The following TTC17 variants were observed in gnomAD, a reference collection of about 807,000 sequenced individuals.
The protein encoded by TTC17 is tetratricopeptide repeat domain 17.
In TTC17, 58 loss-of-function variants were observed where a neutral mutation model predicts 143.8. The observed-to-expected ratio is 0.40, with a 90% confidence interval of 0.33 to 0.50. TTC17 has a LOEUF of 0.50. TTC17 is among the 20% of genes least tolerant of loss of function. The pLI, the probability that TTC17 is intolerant of heterozygous loss-of-function variation, is 0.49. For synonymous variants in TTC17, 501 were observed against 497.8 expected, an observed-to-expected ratio of 1.01 and a Z score of -0.09; for missense variants, 1,273 against 1,392.5, an observed-to-expected ratio of 0.91 and a Z score of 1.37.
intron 16 of TTC17, among the ~76,000 whole-genome samples, chr11:43,435,568 G>A (rs770604383): frequency 2.9e-4 from 44 of 152,148 alleles, no homozygotes; most frequent in Non-Finnish European, 5.4e-4. Context: ...TATACATGCC[G>A]AAAGTTATTT....
At chr11:43,452,326 C>T (rs1947674818) in intron 21 of TTC17, among the ~76,000 whole-genome samples, 2 of 152,000 alleles carry the variant, frequency 1.3e-5, no homozygotes, top group South Asian at 4.2e-4. Flanking sequence ...ATGGTGAAAC[C>T]CCATCTCTAC....
At chr11:43,364,841 T>A (rs1856266530) in intron 1 of TTC17, among the ~76,000 whole-genome samples, 2 of 152,222 alleles carry the variant, frequency 1.3e-5, no homozygotes, top group Non-Finnish European at 1.5e-5. Flanking sequence ...GTTTCGCTCT[T>A]GTTGCCCAGG....
chr11:43,377,476 T>TTTCCCAAAG (rs1856805640), intron 1 of TTC17, among the ~76,000 whole-genome samples: 1 of 152,186 alleles, frequency 6.6e-6, no homozygotes, highest in Non-Finnish European at 1.5e-5. Context: ...AGACAAGTCA[T>TTTCCCAAAG]ACATCTTAAA....
intron 1 of TTC17, among the ~76,000 whole-genome samples, chr11:43,369,115 T>G (rs1487358590): frequency 6.6e-6 from 1 of 152,232 alleles, no homozygotes; most frequent in Non-Finnish European, 1.5e-5. Flanking sequence ...TTCACTTACC[T>G]TCCTTTTAGA....
At chr11:43,490,955 G>A (rs957583704) in intron 22 of TTC17, 2 of 149,998 alleles carry the variant, frequency 1.3e-5, no homozygotes, top group Non-Finnish European at 3.0e-5. Flanking sequence ...AAAATACAGT[G>A]TTTTATCAGC....
At chr11:43,492,530 G>A (rs150680602) in intron 23 of TTC17, among the ~76,000 whole-genome samples, 275 of 152,158 alleles carry the variant, frequency 1.8e-3, no homozygotes, top group Non-Finnish European at 2.5e-3. Context: ...ACCTGTCATC[G>A]CACTCATGAC....
At chr11:43,434,634 T>C (rs1278998208) in intron 16 of TTC17, among the ~76,000 whole-genome samples, 1 of 152,220 alleles carries the variant, frequency 6.6e-6, no homozygotes, top group African/African-American at 2.4e-5. Flanking sequence ...TTATAAGTCC[T>C]GCCTATTCTT....
chr11:43,385,962 A>G (rs1054323346), intron 2 of TTC17, among the ~76,000 whole-genome samples: 4 of 152,052 alleles, frequency 2.6e-5, no homozygotes, highest in Non-Finnish European at 5.9e-5. Flanking sequence ...GAAAAAGCAG[A>G]TATCAGATAA....
chr11:43,450,056 C>T, intron 19 of TTC17, 26 bp from the exon 20 acceptor site: 1 of 1,604,170 alleles, frequency 6.2e-7, no homozygotes, highest in East Asian at 2.3e-5. Flanking sequence ...TTTCCCATAG[C>T]TAATGTGGTA....
At chr11:43,486,449 C>T (rs983537031) in intron 21 of TTC17, 2 of 452,518 alleles carry the variant, frequency 4.4e-6, no homozygotes, top group African/African-American at 4.0e-5. Flanking sequence ...GTATCCCTAT[C>T]AGGTAGGAGG....
chr11:43,436,669 C>T (rs1335129876), intron 16 of TTC17, among the ~76,000 whole-genome samples: 1 of 152,148 alleles, frequency 6.6e-6, no homozygotes, highest in East Asian at 1.9e-4. Flanking sequence ...AGTGGGCTTA[C>T]CTATTACGCC....
At chr11:43,417,696 C>T (rs1330716995) in intron 16 of TTC17, among the ~76,000 whole-genome samples, 5 of 152,164 alleles carry the variant, frequency 3.3e-5, no homozygotes, top group Admixed American at 2.6e-4. Flanking sequence ...ATTAGCTGGG[C>T]GTGATAGCGG....
intron 18 of TTC17, 74 bp from the exon 19 acceptor site, chr11:43,447,928 A>G: frequency 6.5e-7 from 1 of 1,548,794 alleles, no homozygotes; most frequent in Non-Finnish European, 8.8e-7. Context: ...AGGTGAAGTA[A>G]TCACCAGGGC....
chr11:43,362,033 T>G (rs2134424688), intron 1 of TTC17, among the ~76,000 whole-genome samples: 1 of 147,896 alleles, frequency 6.8e-6, no homozygotes, highest in South Asian at 2.1e-4. Flanking sequence ...CAGGCTGGAG[T>G]GCAATGGCGC....
rs1158068632 is a variant in TTC17 at position 43,397,491 on chromosome 11, A to C, written c.918A>C (p.Ala306=). 6.2e-7 allele frequency: 1 copy of C among 1,607,076 alleles called. No homozygotes were observed. The highest frequency in any genetic ancestry group is 8.5e-7 in the Non-Finnish European group (1 of 1,178,062). ...ATTACACTTTGGGGAATATATATGC[A>C]GTAAGTACTACTCTTTGTTTCATGA... ...TSYYTLGNIY[A]MLGEYNHSVL... The change falls in exon 7 of 24, where the codon GCA becomes GCC. Residue 306 remains alanine, a splice_region_variant and synonymous_variant. Transcript: ENST00000039989.
At chr11:43,437,971 C>T (rs1305491086) in intron 16 of TTC17, among the ~76,000 whole-genome samples, 1 of 152,242 alleles carries the variant, frequency 6.6e-6, no homozygotes, top group Non-Finnish European at 1.5e-5. Flanking sequence ...AGAATGATTT[C>T]CCTACCTACC....
chr11:43,458,994 A>G (rs546052496), intron 21 of TTC17, among the ~76,000 whole-genome samples: 1 of 152,308 alleles, frequency 6.6e-6, no homozygotes, highest in East Asian at 1.9e-4. Context: ...GTTCGGTACT[A>G]TCCACAGTTT....
chr11:43,406,836 T>C (rs980047661), intron 13 of TTC17, among the ~76,000 whole-genome samples: 14 of 152,222 alleles, frequency 9.2e-5, no homozygotes, highest in African/African-American at 3.1e-4. Context: ...TGCTGTTGTC[T>C]TTTGAATAAT....
At chr11:43,361,814 G>C (rs1856116584) in intron 1 of TTC17, among the ~76,000 whole-genome samples, 1 of 152,102 alleles carries the variant, frequency 6.6e-6, no homozygotes, top group Non-Finnish European at 1.5e-5. Flanking sequence ...AGGGCTAAGG[G>C]CTAACTGGAT....
Sources: gnomAD v4.1 joint callset for allele counts (sites outside exome capture counted in the v4.1 genomes callset) on GRCh38, gnomAD v4.1.1 for gene constraint, MANE v1.5 for transcripts, NCBI Gene and HGNC (gene_info 2026-07-23, HGNC 2026-07-21) for gene names.